Variants in ZNF487 observed in about 807,000 individuals in gnomAD.
ZNF487 encodes the protein KRAB domain only 1.
A neutral mutation model predicts 3.0 loss-of-function variants in ZNF487; 4 were observed. The observed-to-expected ratio is 1.35, with a 90% CI of 0.66 to 3.08. The LOEUF (loss-of-function observed/expected upper bound fraction) is 3.08. ZNF487 is among the 30% of genes most tolerant of loss of function. The probability of loss-of-function intolerance (pLI) is 0.01; values close to 1 mark genes in which losing one functional copy is unlikely to be tolerated. For synonymous variants in ZNF487, 55 were observed against 34.6 expected, an observed-to-expected ratio of 1.59 and a Z score of -2.06; for missense variants, 146 against 98.7, an observed-to-expected ratio of 1.48 and a Z score of -2.03.
the ZNF487 span, among the ~76,000 whole-genome samples, chr10:43,503,698 T>C: frequency 6.6e-6 from 1 of 152,164 alleles, no homozygotes; most frequent in Non-Finnish European, 1.5e-5. Flanking sequence ...CTCAACTTCC[T>C]GGGCTCAATC....
chr10:43,502,371 G>A, the ZNF487 span, among the ~76,000 whole-genome samples: 69 of 152,178 alleles, frequency 4.5e-4, no homozygotes, highest in African/African-American at 1.6e-3. Context: ...ATCACACACT[G>A]GGGCCTGTCG....
At chr10:43,442,610 A>AT (rs1839657575) in intron 1 of ZNF487, among the ~76,000 whole-genome samples, 1 of 151,846 alleles carries the variant, frequency 6.6e-6, no homozygotes, top group South Asian at 2.1e-4. Context: ...CGCCTGGCTA[A>AT]TTTTTTGTAT....
downstream of ZNF487, among the ~76,000 whole-genome samples, chr10:43,486,658 G>A (rs956062290): frequency 5.3e-5 from 8 of 152,110 alleles, no homozygotes; most frequent in East Asian, 1.9e-4. Context: ...TACCCGTAAT[G>A]GTATGAAAAT....
intron 1 of ZNF487, among the ~76,000 whole-genome samples, chr10:43,444,901 A>G (rs1430085830): frequency 1.3e-5 from 2 of 152,072 alleles, no homozygotes; most frequent in African/African-American, 2.4e-5. Flanking sequence ...GTAAGGGTAG[A>G]AAGATTTAGG....
chr10:43,475,962 G>A, intron 2 of ZNF487, 115 bp downstream of exon 2: 3 of 650,094 alleles, frequency 4.6e-6, no homozygotes, highest in Non-Finnish European at 8.5e-6. Context: ...AGGAGTTGAA[G>A]CTTGATTGAT....
At chr10:43,506,588 C>G in the ZNF487 span, among the ~76,000 whole-genome samples, 3 of 152,160 alleles carry the variant, frequency 2.0e-5, no homozygotes, top group African/African-American at 7.2e-5. Flanking sequence ...CCTGCCAGCT[C>G]TCAGAATTAA....
chr10:43,521,805 GAAAT>G, the ZNF487 span, among the ~76,000 whole-genome samples: 1 of 151,780 alleles, frequency 6.6e-6, no homozygotes, highest in Non-Finnish European at 1.5e-5. Flanking sequence ...CAGACATGCT[GAAAT>G]AAATAAATGG....
At chr10:43,503,325 A>G in the ZNF487 span, among the ~76,000 whole-genome samples, 3 of 152,202 alleles carry the variant, frequency 2.0e-5, no homozygotes, top group Non-Finnish European at 4.4e-5. Flanking sequence ...ATAAGGATAT[A>G]AAGAAAATAT....
At chr10:43,514,010 G>A in the ZNF487 span, among the ~76,000 whole-genome samples, 1 of 152,128 alleles carries the variant, frequency 6.6e-6, no homozygotes, top group Non-Finnish European at 1.5e-5. Context: ...GTAAATTGTC[G>A]GTAATGTAGT....
chr10:43,497,080 A>T, the ZNF487 span, among the ~76,000 whole-genome samples: 2 of 152,214 alleles, frequency 1.3e-5, no homozygotes, highest in South Asian at 4.1e-4. Flanking sequence ...CAAAAATCTA[A>T]TTCTTGCCTA....
At chr10:43,473,677 T>A (rs7899933) in intron 1 of ZNF487, among the ~76,000 whole-genome samples, 1 of 151,684 alleles carries the variant, frequency 6.6e-6, no homozygotes, top group South Asian at 2.1e-4. Flanking sequence ...CTTTTTTTTT[T>A]CCCCAGACCC....
intron 1 of ZNF487, among the ~76,000 whole-genome samples, chr10:43,457,577 GAAAAA>G (rs1439805644): frequency 7.6e-6 from 1 of 131,928 alleles, no homozygotes; most frequent in African/African-American, 2.8e-5. Context: ...AAAAAAAAAA[GAAAAA>G]GAAAAGAATT....
intron 1 of ZNF487, among the ~76,000 whole-genome samples, chr10:43,454,866 A>G (rs1840119265): frequency 1.4e-5 from 2 of 147,660 alleles, no homozygotes; most frequent in South Asian, 2.1e-4. Context: ...CATTGCTCCT[A>G]TCACTGCTGT....
intron 3 of ZNF487, among the ~76,000 whole-genome samples, chr10:43,478,347 G>GC: frequency 6.6e-6 from 1 of 152,188 alleles, no homozygotes; most frequent in Non-Finnish European, 1.5e-5. Context: ...CTGAGGTTGA[G>GC]AGTTCGAGAC....
At chr10:43,459,959 G>A (rs1006318446) in intron 1 of ZNF487, among the ~76,000 whole-genome samples, 1 of 151,450 alleles carries the variant, frequency 6.6e-6, no homozygotes, top group African/African-American at 2.4e-5. Flanking sequence ...CTGCCACCAC[G>A]CCCAGCTAAT....
intron 1 of ZNF487, among the ~76,000 whole-genome samples, chr10:43,464,101 T>C (rs1439707499): frequency 6.6e-6 from 1 of 152,008 alleles, no homozygotes; most frequent in Non-Finnish European, 1.5e-5. Context: ...GGAAGGCATA[T>C]ATCAAAAGCC....
At chr10:43,472,717 T>A (rs1840947115) in intron 1 of ZNF487, among the ~76,000 whole-genome samples, 1 of 152,202 alleles carries the variant, frequency 6.6e-6, no homozygotes, top group Non-Finnish European at 1.5e-5. Flanking sequence ...CCAGCTCGAC[T>A]TGCCTTCTTG....
At chr10:43,497,672 A>G in the ZNF487 span, among the ~76,000 whole-genome samples, 2 of 152,294 alleles carry the variant, frequency 1.3e-5, no homozygotes, top group African/African-American at 2.4e-5. Flanking sequence ...TGTTTGATAC[A>G]TAAGAGATAT....
At chr10:43,512,974 G>A in the ZNF487 span, among the ~76,000 whole-genome samples, 1 of 152,188 alleles carries the variant, frequency 6.6e-6, no homozygotes. Flanking sequence ...TTTTACTGAG[G>A]TAGAAGTTCC....
Sources: gnomAD v4.1 joint callset for allele counts (sites outside exome capture counted in the v4.1 genomes callset) on GRCh38, gnomAD v4.1.1 for gene constraint, MANE v1.5 for transcripts, NCBI Gene and HGNC (gene_info 2026-07-23, HGNC 2026-07-21) for gene names.